NPFFR2: variants seen among roughly 807,000 people sequenced by gnomAD.
The protein encoded by NPFFR2 is neuropeptide FF receptor 2, also known as G-protein coupled receptor 74.
In NPFFR2, 15 loss-of-function variants were observed where a neutral mutation model predicts 13.1. The observed-to-expected ratio is 1.15, with a 90% CI of 0.77 to 1.76. The LOEUF is 1.76. NPFFR2 is among the 40% of genes most tolerant of loss of function. The pLI is 0.00. For synonymous variants in NPFFR2, 190 were observed against 175.7 expected (o/e 1.08, Z -0.65); for missense variants, 572 against 503.5 (o/e 1.14, Z -1.30).
Position 72,127,068 on chromosome 4 carries a change from T to C in NPFFR2, c.-7-1517T>C, listed in dbSNP as rs373057452. 3.1e-3 allele frequency among the ~76,000 whole-genome samples: 467 copies of C among 151,874 alleles called. 1 individual carries two copies. The highest frequency in any genetic ancestry group is 0.01 in the African/African-American group (424 of 41,424). On this transcript the variant is annotated intron_variant, in intron 1 of 3. Transcript: ENST00000308744. Reference sequence around the variant, plus strand: ...CTGTAATCCCAGCACTTTGGGAGGCTGAGGCAGGCAGATCACGAGGTCAGG... The same window carrying C: ...CTGTAATCCCAGCACTTTGGGAGGCCGAGGCAGGCAGATCACGAGGTCAGG...
chr4:72,080,641 T>C (rs79661261), intron 1 of NPFFR2, among the ~76,000 whole-genome samples: 8,919 of 152,202 alleles, frequency 0.059, 830 homozygotes, highest in East Asian at 0.47. Flanking sequence ...GATCCAAAGA[T>C]AGAACATACC....
At chr4:72,138,237 C>A in intron 3 of NPFFR2, 98 bp downstream of exon 3, 3 of 739,016 alleles carry the variant, frequency 4.1e-6, no homozygotes, top group South Asian at 1.7e-5. Context: ...CATATCTTTT[C>A]AAATTGTATT....
chr4:72,106,841 C>T (rs1208297476), intron 1 of NPFFR2, among the ~76,000 whole-genome samples: 4 of 151,900 alleles, frequency 2.6e-5, no homozygotes, highest in Non-Finnish European at 4.4e-5. Flanking sequence ...AAAACTAGTA[C>T]GATTTATTCC....
At chr4:72,034,824 A>G (rs967097746) in intron 1 of NPFFR2, among the ~76,000 whole-genome samples, 5 of 152,210 alleles carry the variant, frequency 3.3e-5, no homozygotes, top group African/African-American at 1.2e-4. Flanking sequence ...AAGGAAATGG[A>G]AATATACTGC....
chr4:72,135,190 T>C (rs753128166), intron 2 of NPFFR2, among the ~76,000 whole-genome samples: 25 of 152,302 alleles, frequency 1.6e-4, no homozygotes, highest in Non-Finnish European at 3.5e-4. Flanking sequence ...ATGGAAATCT[T>C]TTAGAACTTC....
intron 3 of NPFFR2, among the ~76,000 whole-genome samples, chr4:72,144,079 T>G (rs1722706709): frequency 6.6e-6 from 1 of 152,176 alleles, no homozygotes; most frequent in African/African-American, 2.4e-5. Flanking sequence ...TATGTACAGA[T>G]TTAGAAAGTA....
intron 1 of NPFFR2, among the ~76,000 whole-genome samples, chr4:72,071,781 C>T (rs79152387): frequency 0.053 from 8,000 of 152,116 alleles, 770 homozygotes; most frequent in East Asian, 0.47. Context: ...AGGCTAAAGC[C>T]ATTGTTGTTT....
Position 72,084,875 on chromosome 4 carries a change from T to A in NPFFR2, c.-7-43710T>A, listed in dbSNP as rs540233043. The stretch of plus-strand genomic sequence containing the variant: ...ACTAGGCAGCTGGAAAACTGGACTT[T>A]ATTGAGTTTTCTTCTTTCACTTTCT... On this transcript the variant is annotated intron_variant, in intron 1 of 3. Transcript: ENST00000308744. Among the ~76,000 whole-genome samples, 3 of 152,208 alleles carry A rather than the reference T, an allele frequency of 2.0e-5. No homozygotes were observed. In the East Asian group the frequency reaches 5.8e-4, roughly 29 times the overall value.
intron 1 of NPFFR2, among the ~76,000 whole-genome samples, chr4:72,114,802 G>C (rs1003765954): frequency 6.6e-6 from 1 of 152,000 alleles, no homozygotes; most frequent in African/African-American, 2.4e-5. Context: ...GATTGTAATG[G>C]CTTTATTTTA....
At chr4:72,121,999 G>T (rs1473844613) in intron 1 of NPFFR2, among the ~76,000 whole-genome samples, 1 of 152,036 alleles carries the variant, frequency 6.6e-6, no homozygotes, top group Non-Finnish European at 1.5e-5. Context: ...GCTGTATTCA[G>T]GAGACCCATC....
Position 72,105,468 on chromosome 4 carries a change from C to A in NPFFR2, c.-7-23117C>A, listed in dbSNP as rs138390495. On this transcript the variant is annotated intron_variant, in intron 1 of 3. Transcript: ENST00000308744. ...GAAAATTATCAGTATTTGTTAAGAGCAGAAAAATGATCATTTTAAAAATAT... is the reference window on the plus strand; with the variant it reads ...GAAAATTATCAGTATTTGTTAAGAGAAGAAAAATGATCATTTTAAAAATAT... 2.8e-3 allele frequency among the ~76,000 whole-genome samples: 425 copies of A among 151,930 alleles called. 4 individuals are homozygous for A. The highest frequency in any genetic ancestry group is 9.6e-3 in the Admixed American group (147 of 15,260).
intron 1 of NPFFR2, among the ~76,000 whole-genome samples, chr4:72,116,429 G>A (rs1057395561): frequency 6.6e-6 from 1 of 151,598 alleles, no homozygotes; most frequent in East Asian, 1.9e-4. Context: ...GGAAGGGAAG[G>A]AAGGGGATAA....
intron 1 of NPFFR2, among the ~76,000 whole-genome samples, chr4:72,066,981 A>C (rs923337716): frequency 6.6e-6 from 1 of 152,116 alleles, no homozygotes; most frequent in Non-Finnish European, 1.5e-5. Flanking sequence ...GGCTCTCTGC[A>C]GTGGCCCCAA....
chr4:72,104,573 G>A (rs1000567370), intron 1 of NPFFR2, among the ~76,000 whole-genome samples: 1 of 152,012 alleles, frequency 6.6e-6, no homozygotes, highest in Admixed American at 6.6e-5. Context: ...AGCATATATA[G>A]CTAAGGGTGG....
intron 1 of NPFFR2, among the ~76,000 whole-genome samples, chr4:72,059,296 C>T (rs193033622): frequency 5.9e-4 from 89 of 152,082 alleles, no homozygotes; most frequent in African/African-American, 2.1e-3. Flanking sequence ...TTTCACATAG[C>T]GCTGAGAGAA....
chr4:72,084,358 A>G (rs962568667), intron 1 of NPFFR2, among the ~76,000 whole-genome samples: 1 of 152,188 alleles, frequency 6.6e-6, no homozygotes, highest in African/African-American at 2.4e-5. Context: ...ATGGCTGAGG[A>G]TAAAGGTAGA....
At chr4:72,078,402 C>CA (rs1197190464) in intron 1 of NPFFR2, among the ~76,000 whole-genome samples, 1 of 151,974 alleles carries the variant, frequency 6.6e-6, no homozygotes, top group African/African-American at 2.4e-5. Context: ...CAGATAGCAA[C>CA]AAAAAACGAT....
chr4:72,093,976 A>G (rs897642689), intron 1 of NPFFR2, among the ~76,000 whole-genome samples: 2 of 152,160 alleles, frequency 1.3e-5, no homozygotes, highest in African/African-American at 4.8e-5. Context: ...TAGAGGGCAG[A>G]TCAGGGACTC....
chr4:72,035,398 G>C (rs4555596), intron 1 of NPFFR2, among the ~76,000 whole-genome samples: 146,106 of 152,340 alleles, frequency 0.96, 70,380 homozygotes, highest in East Asian at 1. Context: ...TAGGCATTTC[G>C]CAGTATAGTT....
Sources: gnomAD v4.1 joint callset for allele counts (sites outside exome capture counted in the v4.1 genomes callset) on GRCh38, gnomAD v4.1.1 for gene constraint, MANE v1.5 for transcripts, NCBI Gene and HGNC (gene_info 2026-07-23, HGNC 2026-07-21) for gene names.